Variants in MAP4 observed in about 807,000 individuals in gnomAD.
MAP4 encodes microtubule associated protein 4.
A neutral mutation model predicts 170.2 loss-of-function variants in MAP4; 76 were observed. The observed-to-expected ratio is 0.45, with a 90% CI of 0.37 to 0.54. The LOEUF (loss-of-function observed/expected upper bound fraction) is 0.54, where lower values mean the gene tolerates loss of function less well. Among genes scored for constraint, MAP4 ranks in the 20% least tolerant of loss-of-function variants. MAP4 has a pLI of 0.00. For missense variants in MAP4, 2,506 were observed against 2,748.0 expected (o/e 0.91, Z 1.97); for synonymous variants, 909 against 994.5 (o/e 0.91, Z 1.62).
rs757551970 is a variant in MAP4 at position 47,851,626 on chromosome 3, T to C, written c.*1308A>G. On this transcript the variant is annotated 3_prime_UTR_variant, in exon 21 of 21. Transcript: ENST00000683076. ...AAAAAATACAAGTGCAATAAGAATC[T>C]TTGTGTCAATACAGTTCCCGGGATT... 10 of 152,208 alleles carry C rather than the reference T, an allele frequency of 6.6e-5. No homozygotes were observed. Among genetic ancestry groups the C allele is most frequent in the Admixed American group, 1.3e-4 (2 of 15,280 alleles). 9.4% of individuals were successfully genotyped at this position (152,208 alleles called of 1,614,324 possible). A position where few individuals can be genotyped will look rare whatever the true frequency, so the allele number is the denominator to read the frequency against.
chr3:47,964,361 T>C (rs756757420), intron 3 of MAP4, among the ~76,000 whole-genome samples: 20 of 152,178 alleles, frequency 1.3e-4, no homozygotes, highest in Non-Finnish European at 1.9e-4. Flanking sequence ...AGGTTCCAAA[T>C]ATCTTTTTCT....
intron 3 of MAP4, among the ~76,000 whole-genome samples, chr3:47,957,444 T>C (rs2100068492): frequency 6.6e-6 from 1 of 152,172 alleles, no homozygotes; most frequent in Non-Finnish European, 1.5e-5. Flanking sequence ...GTGCTGGGAT[T>C]ACAGGTGTGA....
At chr3:47,892,276 C>T in intron 10 of MAP4, 2 of 1,536,322 alleles carry the variant, frequency 1.3e-6, no homozygotes, top group Non-Finnish European at 1.7e-6. Context: ...TGTTCTGCTC[C>T]AGGAAGCTGG....
rs929163517 is a variant in MAP4 at position 47,867,342 on chromosome 3, G to C, written c.6409-4C>G. On this transcript the variant is annotated splice_polypyrimidine_tract_variant and splice_region_variant and intron_variant, in intron 16 of 20. Transcript: ENST00000683076. ...CTTTTTTGGAGACTATCTGGACCTG[G>C]AGTGTTAGAAAATAGAAAAAACAAC... 5 of 1,602,448 alleles carry C rather than the reference G, an allele frequency of 3.1e-6. No individual in the cohort carries two copies. The African/African-American group carries it at 6.7e-5, about 21-fold the overall frequency.
intron 3 of MAP4, chr3:47,973,634 T>C (rs1448742278): frequency 1.0e-6 from 1 of 985,184 alleles, no homozygotes. Flanking sequence ...TAAATAAATG[T>C]CAATCATGAA....
chr3:47,996,444 G>C (rs140535691), intron 2 of MAP4, among the ~76,000 whole-genome samples: 4 of 152,238 alleles, frequency 2.6e-5, no homozygotes, highest in African/African-American at 9.6e-5. Context: ...AGAGAGAAAA[G>C]AGCATGGACA....
chr3:47,952,040 C>A (rs373461065), intron 3 of MAP4, among the ~76,000 whole-genome samples: 159 of 150,806 alleles, frequency 1.1e-3, no homozygotes, highest in Non-Finnish European at 1.9e-3. Context: ...TGCCCGGCCG[C>A]GACCCCGTCT....
chr3:47,878,542 T>C (rs2095992184), intron 10 of MAP4, among the ~76,000 whole-genome samples: 1 of 152,104 alleles, frequency 6.6e-6, no homozygotes, highest in Non-Finnish European at 1.5e-5. Context: ...CCCACTGAAA[T>C]GCCATTTTAT....
intron 3 of MAP4, among the ~76,000 whole-genome samples, chr3:47,965,961 A>G (rs1371352621): frequency 6.6e-6 from 1 of 152,094 alleles, no homozygotes; most frequent in Non-Finnish European, 1.5e-5. Context: ...ATCCAATGTC[A>G]TGAAGATTTC....
intron 3 of MAP4, among the ~76,000 whole-genome samples, chr3:47,964,497 T>C (rs1020082982): frequency 3.3e-5 from 5 of 152,164 alleles, no homozygotes; most frequent in Non-Finnish European, 7.4e-5. Context: ...TTCTTCTTTT[T>C]CTTCTCTGTT....
At chr3:47,996,111 T>G (rs1018110390) in intron 2 of MAP4, among the ~76,000 whole-genome samples, 14 of 151,966 alleles carry the variant, frequency 9.2e-5, no homozygotes, top group African/African-American at 3.4e-4. Context: ...CCACCACCAT[T>G]AAGGGAAAAG....
chr3:47,905,408 C>T (rs1444082328), intron 9 of MAP4, among the ~76,000 whole-genome samples: 1 of 151,864 alleles, frequency 6.6e-6, no homozygotes, highest in African/African-American at 2.4e-5. Context: ...CAGAAATAGA[C>T]CAAATACATG....
intron 3 of MAP4, chr3:47,974,407 A>G: frequency 1.1e-6 from 1 of 914,746 alleles, no homozygotes; most frequent in Non-Finnish European, 1.3e-6. Context: ...CCTAGGCAAG[A>G]GTGAGACCCT....
intron 1 of MAP4, among the ~76,000 whole-genome samples, chr3:48,036,458 AGTT>A (rs1436626834): frequency 1.3e-5 from 2 of 150,848 alleles, no homozygotes; most frequent in Admixed American, 6.6e-5. Flanking sequence ...TCTTAAAAAC[AGTT>A]GTTATTCATC....
chr3:48,073,968 A>G (rs941132308), intron 1 of MAP4, among the ~76,000 whole-genome samples: 2 of 152,130 alleles, frequency 1.3e-5, no homozygotes, highest in Admixed American at 6.6e-5. Context: ...CATATACCCA[A>G]AAGATTATAA....
intron 1 of MAP4, among the ~76,000 whole-genome samples, chr3:48,011,178 C>A (rs1460899499): frequency 1.3e-5 from 2 of 152,100 alleles, no homozygotes; most frequent in African/African-American, 4.8e-5. Flanking sequence ...TAACCACTGC[C>A]GAATTCAGGA....
At chr3:48,008,357 G>A (rs187855461) in intron 1 of MAP4, among the ~76,000 whole-genome samples, 33 of 152,298 alleles carry the variant, frequency 2.2e-4, no homozygotes, top group Admixed American at 1.8e-3. Flanking sequence ...GACAACACCC[G>A]AAAGTGGAGA....
In MAP4 at chr3:47,910,900, G is replaced by A; in HGVS notation, c.3521C>T (p.Thr1174Ile). The A allele has an allele frequency of 6.5e-7, 1 of 1,536,002 alleles. No individual in the cohort carries two copies. The highest frequency in any genetic ancestry group is 8.7e-7 in the Non-Finnish European group (1 of 1,146,902). ...ATCTTTGACTACATCTCCTGTTTCT[G>A]TGCTAACACCAGAAGTCTGAGTCAT... ...SGMTQTSGVS[T>I]ETGDVVKDMG... The change falls in exon 9 of 21, where the codon ACA (threonine) becomes ATA (isoleucine). Residue 1174 changes from threonine to isoleucine, a missense_variant. Transcript: ENST00000683076.
intron 4 of MAP4, among the ~76,000 whole-genome samples, chr3:47,923,434 G>A (rs942923716): frequency 6.6e-6 from 1 of 150,780 alleles, no homozygotes; most frequent in African/African-American, 2.4e-5. Flanking sequence ...GAAAACCATG[G>A]GAGCCTGGAA....
Sources: allele counts gnomAD v4.1 joint callset (sites outside exome capture counted in the v4.1 genomes callset), GRCh38; gene constraint gnomAD v4.1.1; transcripts MANE v1.5; gene names NCBI Gene and HGNC (gene_info 2026-07-23, HGNC 2026-07-21).